The following ATP8B1 variants were observed in gnomAD, a reference collection of about 807,000 sequenced individuals.
ATP8B1 encodes the protein phospholipid-transporting ATPase IC.
In ATP8B1, 80 loss-of-function variants were observed where a neutral mutation model predicts 149.9. The observed-to-expected ratio is 0.53, with a 90% CI of 0.45 to 0.64. ATP8B1 has a LOEUF of 0.64. Ranked by LOEUF, ATP8B1 falls within the 30% of genes least tolerant of loss-of-function variation. ATP8B1 has a pLI of 0.00. For synonymous variants in ATP8B1, 536 were observed against 562.8 expected (o/e 0.95, Z 0.67); for missense variants, 1,247 against 1,552.6 (o/e 0.80, Z 3.31).
At chr18:57,700,947 C>A in intron 6 of ATP8B1, 92 bp downstream of exon 6, 2 of 1,295,812 alleles carry the variant, frequency 1.5e-6, no homozygotes, top group South Asian at 2.4e-5. Context: ...GTACTAATAG[C>A]CTTCTACATT....
At chr18:57,746,299 C>A (rs567338574) in intron 1 of ATP8B1, among the ~76,000 whole-genome samples, 5 of 152,188 alleles carry the variant, frequency 3.3e-5, no homozygotes, top group African/African-American at 1.2e-4. Flanking sequence ...AAGGGCTTAT[C>A]CTCATTTTGT....
rs71171080 is a variant in ATP8B1, at chr18:57,736,622, AT to A, written c.-25-4791del. Among the ~76,000 whole-genome samples, 196 of 119,050 alleles carry A rather than the reference AT, an allele frequency of 1.6e-3. 1 individual carries two copies. The East Asian group carries it at 0.026, about 16-fold the overall frequency. The allele number at this position is 119,050 out of a possible 152,430, so 78.1% of individuals were successfully genotyped here. ...ACTACCAGTGCATGCCACCATGCCT[AT>A]TTTTTTTTTTTTTTTTTTGTAGCGA... On this transcript the variant is annotated intron_variant, in intron 1 of 27. Coordinates refer to ENST00000648908, the MANE Select transcript of ATP8B1 (RefSeq NM_001374385.1).
intron 11 of ATP8B1, among the ~76,000 whole-genome samples, chr18:57,692,414 A>C (rs1912579326): frequency 6.8e-6 from 1 of 147,994 alleles, no homozygotes; most frequent in Non-Finnish European, 1.5e-5. Context: ...CTTATAGAAG[A>C]TATTCAACAG....
At chr18:57,702,962 G>C (rs1350911659) in intron 4 of ATP8B1, among the ~76,000 whole-genome samples, 2 of 151,976 alleles carry the variant, frequency 1.3e-5, no homozygotes, top group East Asian at 3.9e-4. Flanking sequence ...CCTCTTCCCT[G>C]CTAGAAGGAA....
At chr18:57,668,006 G>T in intron 19 of ATP8B1, 1 of 1,195,516 alleles carries the variant, frequency 8.4e-7, no homozygotes, top group Non-Finnish European at 1.1e-6. Flanking sequence ...CTTTCCTTAG[G>T]TATACAATTT....
intron 13 of ATP8B1, among the ~76,000 whole-genome samples, chr18:57,686,793 C>T (rs1219811660): frequency 6.6e-6 from 1 of 152,146 alleles, no homozygotes; most frequent in Non-Finnish European, 1.5e-5. Flanking sequence ...GACTCAGCCT[C>T]CCAAGGTGCT....
chr18:57,671,400 A>T (rs1272718961), intron 17 of ATP8B1, 68 bp downstream of exon 17: 8 of 1,340,704 alleles, frequency 6.0e-6, no homozygotes, highest in Non-Finnish European at 8.6e-6. Context: ...GCTTTCATGC[A>T]AACTTAACAG....
chr18:57,706,376 A>AGCCCCAGGCAGGTGGTTACGT, intron 3 of ATP8B1, 114 bp downstream of exon 3: 1 of 782,118 alleles, frequency 1.3e-6, no homozygotes, highest in Non-Finnish European at 2.2e-6. Context: ...GATTATCAGT[A>AGCCCCAGGCAGGTGGTTACGT]GCCCCAGGCA....
At chr18:57,678,560 C>T (rs539909781) in intron 15 of ATP8B1, among the ~76,000 whole-genome samples, 3 of 146,220 alleles carry the variant, frequency 2.1e-5, no homozygotes, top group Non-Finnish European at 4.5e-5. Flanking sequence ...GCACTCCAGC[C>T]CAGGCGATAG....
At chr18:57,676,293 T>C (rs650763) in intron 15 of ATP8B1, among the ~76,000 whole-genome samples, 123,902 of 152,006 alleles carry the variant, frequency 0.82, 50,601 homozygotes, top group East Asian at 0.92. Flanking sequence ...TCCTGAGTAG[T>C]TGGGACTATA....
chr18:57,697,704 C>T lies in ATP8B1; in HGVS notation c.628-16G>A. 1 of 1,613,882 alleles carries T rather than the reference C, an allele frequency of 6.2e-7. No individual in the cohort carries two copies. The highest frequency in any genetic ancestry group is 8.5e-7 in the Non-Finnish European group (1 of 1,179,952). Reference sequence around the variant, plus strand: ...GAATGTCAGCCTGTCCAAAACAAAACACACAAATAACACCGAGACCCTGAG... The same window carrying T: ...GAATGTCAGCCTGTCCAAAACAAAATACACAAATAACACCGAGACCCTGAG... On this transcript the variant is annotated splice_polypyrimidine_tract_variant and intron_variant, in intron 7 of 27. Coordinates refer to ENST00000648908, the MANE Select transcript of ATP8B1 (RefSeq NM_001374385.1).
At chr18:57,708,964 C>G (rs1162995207) in intron 2 of ATP8B1, among the ~76,000 whole-genome samples, 1 of 152,158 alleles carries the variant, frequency 6.6e-6, no homozygotes, top group African/African-American at 2.4e-5. Context: ...CAGAAATGAC[C>G]TTGATCTCTT....
At position 57,728,628 on chromosome 18, in the gene ATP8B1, C is replaced by A. The variant is rs183468607; in HGVS notation, c.181+2999G>T. On this transcript the variant is annotated intron_variant, in intron 2 of 27. Coordinates refer to ENST00000648908, the MANE Select transcript of ATP8B1 (RefSeq NM_001374385.1). ...TTTTGTAAAAAGTCACAGGCAAAGT[C>A]ATTTGATATGGGTTTTGAGAAGCGA... 2.6e-5 allele frequency among the ~76,000 whole-genome samples: 4 copies of A among 151,736 alleles called. No homozygotes were observed. In the East Asian group the frequency reaches 7.8e-4, roughly 29 times the overall value.
chr18:57,763,715 G>A (rs2080178566), intron 1 of ATP8B1, among the ~76,000 whole-genome samples: 1 of 151,390 alleles, frequency 6.6e-6, no homozygotes. Context: ...TTTGGGGGGC[G>A]GGGGGATGAA....
At chr18:57,689,611 A>G (rs1912430917) in intron 12 of ATP8B1, among the ~76,000 whole-genome samples, 1 of 152,198 alleles carries the variant, frequency 6.6e-6, no homozygotes, top group Admixed American at 6.5e-5. Context: ...TGCAGGGGAC[A>G]TGTCTGTAAA....
chr18:57,699,411 A>C (rs967119235), intron 6 of ATP8B1, among the ~76,000 whole-genome samples: 4 of 152,208 alleles, frequency 2.6e-5, no homozygotes, highest in Non-Finnish European at 5.9e-5. Flanking sequence ...AAGTGTCCCA[A>C]TGAGCCTAGC....
chr18:57,655,545 C>A, intron 22 of ATP8B1, 128 bp from the exon 23 acceptor site: 1 of 848,978 alleles, frequency 1.2e-6, no homozygotes, highest in Admixed American at 2.0e-5. Flanking sequence ...AATACAGAAG[C>A]TCTTGCTCAC....
rs1194061610 is a variant in ATP8B1 at position 57,688,346 on chromosome 18, T to C, written c.1382A>G (p.Gln461Arg). 2.5e-6 allele frequency: 4 copies of C among 1,614,112 alleles called. No homozygotes were observed. The highest frequency in any genetic ancestry group is 3.4e-6 in the Non-Finnish European group (4 of 1,180,042). The change falls in exon 13 of 28, where the codon CAA becomes CGA. Residue 461 changes from glutamine (Q) to arginine (R), a missense_variant. Coordinates refer to ENST00000648908, the MANE Select transcript of ATP8B1 (RefSeq NM_001374385.1). The stretch of plus-strand genomic sequence containing the variant: ...GCACTTTTTAAAGGTCATGATATTT[T>C]GTGTGAGTGTCCCCGTCTTATCAGA... ...IFSDKTGTLT[Q>R]NIMTFKKCCI...
chr18:57,692,425 ATTTTTTTTTTTTTTTTT>A (rs10547283), intron 11 of ATP8B1, among the ~76,000 whole-genome samples: 1 of 57,040 alleles, frequency 1.8e-5, no homozygotes. Flanking sequence ...TATTCAACAG[ATTTTTTTTTTTTTTTTT>A]TTTTTTTTTT....
Sources: gnomAD v4.1 joint callset for allele counts (sites outside exome capture counted in the v4.1 genomes callset) on GRCh38, gnomAD v4.1.1 for gene constraint, MANE v1.5 for transcripts, NCBI Gene and HGNC (gene_info 2026-07-23, HGNC 2026-07-21) for gene names.